The following PIEZO2 variants were observed in gnomAD, a reference collection of about 807,000 sequenced individuals.
PIEZO2 encodes the protein piezo type mechanosensitive ion channel component 2, also known as piezo-type mechanosensitive ion channel component 2.
In PIEZO2, 172 loss-of-function variants were observed where a neutral mutation model predicts 337.3. The observed-to-expected ratio is 0.51, with a 90% CI of 0.45 to 0.58. The LOEUF is 0.58. Ranked by LOEUF, PIEZO2 falls within the 20% of genes least tolerant of loss-of-function variation. PIEZO2 has a pLI of 0.00. For synonymous variants in PIEZO2, 1,251 were observed against 1,228.5 expected (o/e 1.02, Z -0.38); for missense variants, 3,028 against 3,391.3 (o/e 0.89, Z 2.66).
intron 27 of PIEZO2, among the ~76,000 whole-genome samples, chr18:10,753,739 C>G (rs991371945): frequency 5.9e-5 from 9 of 152,224 alleles, no homozygotes; most frequent in African/African-American, 2.2e-4. Context: ...ATGCACTACA[C>G]TTGAGCTATC....
rs2039559588 is a variant in PIEZO2, at chr18:10,795,388, TATTTTATTTTATTTTATTTTATTCA to T, written c.1528-411_1528-387del. Among the ~76,000 whole-genome samples the T allele has an allele frequency of 1.3e-4, 3 of 22,370 alleles. No homozygotes were observed. Among genetic ancestry groups the T allele is most frequent in the Admixed American group, 5.5e-4 (1 of 1,804 alleles). The allele number at this position is 22,370 out of a possible 152,430, so 14.7% of individuals were successfully genotyped here. ...TATTTTATTTTATTTTATTTTATTT[TATTTTATTTTATTTTATTTTATTCA>T]GCTCTATTGCTTTAAAGAAAAGACC... On this transcript the variant is annotated intron_variant, in intron 12 of 55. Transcript: ENST00000674853. This position sits in a 1 kb window ranked among gnomAD's most constrained non-coding sequence, Gnocchi z 4.4.
chr18:10,829,552 C>T (rs2040780275), intron 7 of PIEZO2, among the ~76,000 whole-genome samples: 1 of 151,964 alleles, frequency 6.6e-6, no homozygotes, highest in South Asian at 2.1e-4. Context: ...TTTGGAAAAA[C>T]CTAAAGACTG....
rs1470398607 is a variant in PIEZO2, at chr18:10,670,457, C to T, written c.*1070G>A. The T allele has an allele frequency of 6.6e-6, 1 of 152,032 alleles. No individual in the cohort carries two copies. The highest frequency in any genetic ancestry group is 1.5e-5 in the Non-Finnish European group (1 of 68,016). 9.4% of individuals were successfully genotyped at this position (152,032 alleles called of 1,614,324 possible). On this transcript the variant is annotated 3_prime_UTR_variant, in exon 56 of 56. Coordinates refer to ENST00000674853, the MANE Select transcript of PIEZO2 (RefSeq NM_001378183.1). ...CCAATAATAATAATTTAAGAAAAGGCCATTTTTATTTCCCCAAGCTCAATA... is the reference window on the plus strand; with the variant it reads ...CCAATAATAATAATTTAAGAAAAGGTCATTTTTATTTCCCCAAGCTCAATA...
rs985464932 is a variant in PIEZO2 at position 10,715,583 on chromosome 18, T to C, written c.5256+67A>G. On this transcript the variant is annotated intron_variant, in intron 38 of 55. Coordinates refer to ENST00000674853, the MANE Select transcript of PIEZO2 (RefSeq NM_001378183.1). ...CTTTGTCTTATCCTACCTGGAGTTTTGGACATTGACTTTTAATGTCTTCTT... is the reference window on the plus strand; with the variant it reads ...CTTTGTCTTATCCTACCTGGAGTTTCGGACATTGACTTTTAATGTCTTCTT... 3 of 1,388,410 alleles carry C rather than the reference T, an allele frequency of 2.2e-6. No homozygotes were observed. In the African/African-American group the frequency reaches 4.4e-5, roughly 20 times the overall value. 86.0% of individuals were successfully genotyped at this position (1,388,410 alleles called of 1,614,324 possible).
intron 7 of PIEZO2, among the ~76,000 whole-genome samples, chr18:10,814,667 T>C (rs1302687610): frequency 6.6e-6 from 1 of 152,186 alleles, no homozygotes; most frequent in East Asian, 1.9e-4. Context: ...CAGCCATTCC[T>C]CTTCTCATAC....
chr18:10,932,571 G>A (rs908234894), intron 3 of PIEZO2, among the ~76,000 whole-genome samples: 1 of 152,128 alleles, frequency 6.6e-6, no homozygotes, highest in African/African-American at 2.4e-5. Flanking sequence ...GAGCAGAAGA[G>A]ACACAATAAT....
chr18:10,990,213 T>G (rs1271423289), intron 2 of PIEZO2, among the ~76,000 whole-genome samples: 1 of 152,204 alleles, frequency 6.6e-6, no homozygotes, highest in African/African-American at 2.4e-5. Flanking sequence ...CAAAATCATT[T>G]AGGTAAATTA....
In PIEZO2 at chr18:10,866,504, C is replaced by G. The variant is rs186434589; in HGVS notation, c.492+4749G>C. ...GTTTCACTGTGTTAGCCAGGATGGT[C>G]TCAATATCCCGACCTCGTGATCTGC... On this transcript the variant is annotated intron_variant, in intron 5 of 55. Coordinates refer to ENST00000674853, the MANE Select transcript of PIEZO2 (RefSeq NM_001378183.1). Among the ~76,000 whole-genome samples the G allele has an allele frequency of 9.9e-5, 15 of 152,258 alleles. No individual in the cohort carries two copies. In the East Asian group the frequency reaches 2.7e-3, roughly 27 times the overall value.
At chr18:11,059,391 A>G (rs1249716066) in intron 2 of PIEZO2, among the ~76,000 whole-genome samples, 1 of 152,222 alleles carries the variant, frequency 6.6e-6, no homozygotes, top group Non-Finnish European at 1.5e-5. Context: ...GACAGGATCA[A>G]ATTCACACAT....
At position 11,069,368 on chromosome 18, in the gene PIEZO2, T is replaced by C. The variant is rs992759331; in HGVS notation, c.65-3146A>G. Among the ~76,000 whole-genome samples, 6 of 152,118 alleles carry C rather than the reference T, an allele frequency of 3.9e-5. No homozygotes were observed. Among genetic ancestry groups the C allele is most frequent in the Admixed American group, 2.6e-4 (4 of 15,270 alleles). Reference sequence around the variant, plus strand: ...CTTTATCCCAGGGATGCAAGAATGGTTCAACATACCTATAGCTGTCAATGT... The same window carrying C: ...CTTTATCCCAGGGATGCAAGAATGGCTCAACATACCTATAGCTGTCAATGT... On this transcript the variant is annotated intron_variant, in intron 1 of 55. Transcript: ENST00000674853. This position sits in a 1 kb window ranked among gnomAD's most constrained non-coding sequence, Gnocchi z 4.9.
rs948032840 is a variant in PIEZO2 at position 10,828,147 on chromosome 18, T to G, written c.918-20873A>C. On this transcript the variant is annotated intron_variant, in intron 7 of 55. Transcript: ENST00000674853. This position sits in a 1 kb window ranked among gnomAD's most constrained non-coding sequence, Gnocchi z 4.1. ...TTTTGTTTGTTTGTTTTTGTTTTTT[T>G]TTTTTTTTACAGTAAAACCAATCCT... 6.9e-4 allele frequency among the ~76,000 whole-genome samples: 101 copies of G among 146,942 alleles called. No individual in the cohort carries two copies. Among genetic ancestry groups the G allele is most frequent in the Middle Eastern group, 3.6e-3 (1 of 276 alleles).
At chr18:11,040,544 G>T (rs920630798) in intron 2 of PIEZO2, among the ~76,000 whole-genome samples, 3 of 152,136 alleles carry the variant, frequency 2.0e-5, no homozygotes, top group Non-Finnish European at 4.4e-5. Context: ...AGAAGTACTT[G>T]GCTGGGAATG....
intron 2 of PIEZO2, among the ~76,000 whole-genome samples, chr18:11,041,965 A>G (rs2037138638): frequency 6.6e-6 from 1 of 152,178 alleles, no homozygotes; most frequent in South Asian, 2.1e-4. Flanking sequence ...TGTCTAGATG[A>G]CCATCTTCTC....
In PIEZO2 at chr18:10,837,840, C is replaced by T. The variant is rs1050771798; in HGVS notation, c.917+17513G>A. On this transcript the variant is annotated intron_variant, in intron 7 of 55. Coordinates refer to ENST00000674853, the MANE Select transcript of PIEZO2 (RefSeq NM_001378183.1). The surrounding 1 kb of genome is among the most constrained non-coding windows in gnomAD (Gnocchi z 4.4). Reference sequence around the variant, plus strand: ...AATCTCAGCTCACTGCAACCTCCACCTCCCAGGTTCAAGTGATTCTCCTGC... The same window carrying T: ...AATCTCAGCTCACTGCAACCTCCACTTCCCAGGTTCAAGTGATTCTCCTGC... Among the ~76,000 whole-genome samples, 1 of 152,148 alleles carries T rather than the reference C, an allele frequency of 6.6e-6. No homozygotes were observed. The highest frequency in any genetic ancestry group is 2.4e-5 in the African/African-American group (1 of 41,420).
Position 11,033,077 on chromosome 18 carries a change from T to A in PIEZO2, c.160+33050A>T, listed in dbSNP as rs1056495712. Among the ~76,000 whole-genome samples, 8 of 152,210 alleles carry A rather than the reference T, an allele frequency of 5.3e-5. No homozygotes were observed. Among genetic ancestry groups the A allele is most frequent in the African/African-American group, 1.9e-4 (8 of 41,450 alleles). ...GATAATCCTTTTCTGACTGGTCATATACGGACAAGAGGAGAGAAACAATAA... is the reference window on the plus strand; with the variant it reads ...GATAATCCTTTTCTGACTGGTCATAAACGGACAAGAGGAGAGAAACAATAA... On this transcript the variant is annotated intron_variant, in intron 2 of 55. Coordinates refer to ENST00000674853, the MANE Select transcript of PIEZO2 (RefSeq NM_001378183.1). This position sits in a 1 kb window ranked among gnomAD's most constrained non-coding sequence, Gnocchi z 4.2.
intron 7 of PIEZO2, among the ~76,000 whole-genome samples, chr18:10,811,211 T>C (rs1249304241): frequency 6.6e-6 from 1 of 152,200 alleles, no homozygotes; most frequent in Admixed American, 6.5e-5. Context: ...AAAGTCACCA[T>C]CGCCGGGAAA....
At chr18:10,782,339 AATTATAATAT>A (rs2039035084) in intron 17 of PIEZO2, among the ~76,000 whole-genome samples, 1 of 60,408 alleles carries the variant, frequency 1.7e-5, no homozygotes, top group South Asian at 4.7e-4. Context: ...ATATATAAAT[AATTATAATAT>A]ATTATAATTA....
Position 10,681,787 on chromosome 18 carries a change from C to T in PIEZO2, c.7687-34G>A, listed in dbSNP as rs369568812. The T allele has an allele frequency of 4.0e-6, 6 of 1,504,006 alleles. No individual in the cohort carries two copies. The African/African-American group carries it at 6.9e-5, about 17-fold the overall frequency. 93.2% of individuals were successfully genotyped at this position (1,504,006 alleles called of 1,614,324 possible). On this transcript the variant is annotated intron_variant, in intron 50 of 55. Transcript: ENST00000674853. ...CAAAGAGAACAGTGTTGTCAATATT[C>T]CCCAGCTCTTCTCTGCATCCTGAGT... is the stretch of plus-strand genomic sequence containing the variant.
At chr18:10,904,396 T>C (rs920586881) in intron 4 of PIEZO2, among the ~76,000 whole-genome samples, 4 of 152,244 alleles carry the variant, frequency 2.6e-5, no homozygotes, top group Non-Finnish European at 1.5e-5. Context: ...TTTACTCATT[T>C]GTAAGATGGA....
Sources: allele counts gnomAD v4.1 joint callset (sites outside exome capture counted in the v4.1 genomes callset), GRCh38; gene constraint gnomAD v4.1.1; non-coding constraint Gnocchi (gnomAD v3.1); transcripts MANE v1.5; gene names NCBI Gene and HGNC (gene_info 2026-07-23, HGNC 2026-07-21).